Variants in LPCAT1 observed in about 807,000 individuals in gnomAD.
The protein encoded by LPCAT1 is lysophosphatidylcholine acyltransferase 1.
A neutral mutation model predicts 60.9 loss-of-function variants in LPCAT1; 23 were observed. The ratio of observed to expected loss-of-function variants is 0.38; its 90% CI spans 0.27 to 0.53. The LOEUF (loss-of-function observed/expected upper bound fraction) is 0.53, where lower values mean the gene tolerates loss of function less well. Among genes scored for constraint, LPCAT1 ranks in the 20% least tolerant of loss-of-function variants. LPCAT1 has a pLI of 0.82. For missense variants in LPCAT1, 622 were observed against 723.6 expected, an observed-to-expected ratio of 0.86 and a Z score of 1.61; for synonymous variants, 340 against 301.1, an observed-to-expected ratio of 1.13 and a Z score of -1.34.
chr5:1,520,860 C>CAAAAAAAAAAAAAAAAAAAAGAAA (rs59074953), intron 1 of LPCAT1, among the ~76,000 whole-genome samples: 1 of 82,046 alleles, frequency 1.2e-5, no homozygotes, highest in African/African-American at 4.9e-5. Flanking sequence ...GAGACTGTCT[C>CAAAAAAAAAAAAAAAAAAAAGAAA]AAAAAAAAAA....
intron 7 of LPCAT1, among the ~76,000 whole-genome samples, chr5:1,479,924 C>T (rs562337989): frequency 6.6e-6 from 1 of 151,844 alleles, no homozygotes; most frequent in East Asian, 2.0e-4. Context: ...AAGACACCAT[C>T]TCCTGCTTGT....
intron 12 of LPCAT1, among the ~76,000 whole-genome samples, chr5:1,467,628 A>G (rs1290126720): frequency 6.6e-6 from 1 of 152,052 alleles, no homozygotes; most frequent in Non-Finnish European, 1.5e-5. Context: ...CCCCTTGATC[A>G]GGGCCCGCCC....
At chr5:1,500,169 A>G (rs554786907) in intron 2 of LPCAT1, among the ~76,000 whole-genome samples, 3 of 152,380 alleles carry the variant, frequency 2.0e-5, no homozygotes, top group African/African-American at 7.2e-5. Flanking sequence ...GTTTCTGAAT[A>G]AAAGATTCAG....
intron 9 of LPCAT1, 86 bp from the exon 10 acceptor site, chr5:1,474,771 G>A (rs1400674512): frequency 1.2e-5 from 18 of 1,509,724 alleles, no homozygotes; most frequent in Non-Finnish European, 1.6e-5. Context: ...GATGGCTCAG[G>A]GGAGAGGAGG....
intron 13 of LPCAT1, among the ~76,000 whole-genome samples, chr5:1,466,320 G>A (rs138874240): frequency 4.7e-4 from 71 of 152,154 alleles, no homozygotes; most frequent in African/African-American, 1.7e-3. Flanking sequence ...GCGGCACGGG[G>A]GTCTGCAGCG....
At chr5:1,474,436 A>G (rs1734814557) in intron 10 of LPCAT1, 124 bp downstream of exon 10, 2 of 1,288,766 alleles carry the variant, frequency 1.6e-6, no homozygotes, top group Middle Eastern at 3.9e-4. Flanking sequence ...TGATATTTGA[A>G]AAAAGCCAGA....
chr5:1,492,819 GC>G lies in LPCAT1; in HGVS notation c.493+1880del, dbSNP rs141003386. Among the ~76,000 whole-genome samples the G allele has an allele frequency of 5.2e-3, 790 of 152,328 alleles. 7 individuals are homozygous for G. The highest frequency in any genetic ancestry group is 0.018 in the African/African-American group (764 of 41,582). ...GGGAGGCACCAAGGGCACAGGGAGA[GC>G]CCGGCCAACGCTCAGATTCACTCTG... is the stretch of plus-strand genomic sequence containing the variant. On this transcript the variant is annotated intron_variant, in intron 3 of 13. Coordinates refer to ENST00000283415, the MANE Select transcript of LPCAT1 (RefSeq NM_024830.5).
rs377338456 is a variant in LPCAT1 at position 1,481,686 on chromosome 5, G to A, written c.727-710C>T. 2.6e-5 allele frequency among the ~76,000 whole-genome samples: 4 copies of A among 152,276 alleles called. No homozygotes were observed. Among genetic ancestry groups the A allele is most frequent in the Admixed American group, 6.5e-5 (1 of 15,290 alleles). On this transcript the variant is annotated intron_variant, in intron 6 of 13. Coordinates refer to ENST00000283415, the MANE Select transcript of LPCAT1 (RefSeq NM_024830.5). The surrounding 1 kb of genome is among the most constrained non-coding windows in gnomAD (Gnocchi z 7.8). ...GAAAATCTAGATGACTGCACAGATC[G>A]GAGTCTGTTGTCCTCGGGTTGACTT...
intron 1 of LPCAT1, among the ~76,000 whole-genome samples, chr5:1,507,016 G>A (rs1474380006): frequency 3.3e-5 from 5 of 152,240 alleles, no homozygotes; most frequent in African/African-American, 9.6e-5. Context: ...GTCGTGGACA[G>A]GGATAAGCGG....
Position 1,498,710 on chromosome 5 carries a change from C to T in LPCAT1, c.278+2751G>A, listed in dbSNP as rs1292596191. ...TCATACACGTACATGTATGTGCACA[C>T]GATACAGACATCCATCCACACATAT... On this transcript the variant is annotated intron_variant, in intron 2 of 13. Transcript: ENST00000283415. Among the ~76,000 whole-genome samples, 26 of 152,214 alleles carry T rather than the reference C, an allele frequency of 1.7e-4. 1 individual carries two copies. Among genetic ancestry groups the T allele is most frequent in the Admixed American group, 1.3e-3 (20 of 15,282 alleles).
At chr5:1,472,788 G>A (rs986771327) in intron 11 of LPCAT1, among the ~76,000 whole-genome samples, 3 of 152,034 alleles carry the variant, frequency 2.0e-5, no homozygotes, top group East Asian at 1.9e-4. Context: ...TAGAGGGCCC[G>A]CGGCTGGGGG....
intron 1 of LPCAT1, among the ~76,000 whole-genome samples, chr5:1,512,377 A>G (rs1438068355): frequency 6.6e-6 from 1 of 152,174 alleles, no homozygotes; most frequent in Non-Finnish European, 1.5e-5. Context: ...CCGGCCCAAG[A>G]GCAGTCCCAC....
In LPCAT1 at chr5:1,494,838, C is replaced by A; in HGVS notation, c.355G>T (p.Gly119Trp). ...GCCTCGGTGGGCAGCGCCTGCCGCC[C>A]CTTCACGGCCACCCGGTGGAAGCCG... ...AGGFHRVAVK[G>W]RQALPTEAAI... Residue 119 changes from glycine to tryptophan, a missense_variant, in exon 3 of 14, where the codon GGG (glycine) becomes TGG (tryptophan). Around this residue, in one of 3 missense-constraint regions of LPCAT1, gnomAD observed 209 missense variants for 325.5 expected, o/e 0.64. Transcript: ENST00000283415. The A allele has an allele frequency of 6.2e-7, 1 of 1,613,616 alleles. No homozygotes were observed. The highest frequency in any genetic ancestry group is 8.5e-7 in the Non-Finnish European group (1 of 1,179,812).
intron 1 of LPCAT1, among the ~76,000 whole-genome samples, chr5:1,504,982 G>A (rs1054993370): frequency 6.6e-6 from 1 of 151,136 alleles, no homozygotes; most frequent in African/African-American, 2.4e-5. Flanking sequence ...AGTAACCCAC[G>A]CTGTTCCTGA....
rs141767236 is a variant in LPCAT1, at chr5:1,474,621, G to C, written c.964C>G (p.Gln322Glu). ...EDCQLALAEG[Q>E]LRLPADTCLL... ...CAAGTGTCAGCGGGGAGACGGAGCT[G>C]TCCTTCCGCCAGGGCCAGCTGGCAG... The change falls in exon 10 of 14, where the codon CAG (glutamine) becomes GAG (glutamate). Residue 322 changes from glutamine (Q) to glutamate (E), a missense_variant. By Grantham distance (29) the Gln-to-Glu change is conservative (BLOSUM62 2). Coordinates refer to ENST00000283415, the MANE Select transcript of LPCAT1 (RefSeq NM_024830.5). 3 of 1,613,914 alleles carry C rather than the reference G, an allele frequency of 1.9e-6. No homozygotes were observed. In the African/African-American group the frequency reaches 4.0e-5, roughly 22 times the overall value.
At chr5:1,491,507 A>T (rs1264096552) in intron 3 of LPCAT1, among the ~76,000 whole-genome samples, 3 of 147,704 alleles carry the variant, frequency 2.0e-5, no homozygotes, top group African/African-American at 5.0e-5. Flanking sequence ...TGGGGGGTGC[A>T]GGGGGAGGAC....
chr5:1,514,260 C>G (rs1736438530), intron 1 of LPCAT1, among the ~76,000 whole-genome samples: 1 of 152,202 alleles, frequency 6.6e-6, no homozygotes, highest in South Asian at 2.1e-4. Context: ...CAGGGAGGCC[C>G]CAGCCTCATC....
At chr5:1,505,004 C>T (rs1426668315) in intron 1 of LPCAT1, among the ~76,000 whole-genome samples, 1 of 151,196 alleles carries the variant, frequency 6.6e-6, no homozygotes, top group Non-Finnish European at 1.5e-5. Context: ...ACAGCACCGA[C>T]TGCAACACTG....
rs1735153782 is a variant in LPCAT1 at position 1,481,815 on chromosome 5, A to G, written c.727-839T>C. ...ACAAACGCACGCCTCAGTAAGAAGG[A>G]AGAGGTCTTTCAGTCGTGTGACTAC... is the stretch of plus-strand genomic sequence containing the variant. On this transcript the variant is annotated intron_variant, in intron 6 of 13. Transcript: ENST00000283415. This position sits in a 1 kb window ranked among gnomAD's most constrained non-coding sequence, Gnocchi z 7.8. Among the ~76,000 whole-genome samples, 1 of 152,210 alleles carries G rather than the reference A, an allele frequency of 6.6e-6. No homozygotes were observed. Among genetic ancestry groups the G allele is most frequent in the Non-Finnish European group, 1.5e-5 (1 of 68,036 alleles).
Sources: gnomAD v4.1 joint callset for allele counts (sites outside exome capture counted in the v4.1 genomes callset) on GRCh38, gnomAD v4.1.1 for gene constraint, gnomAD v4.1.1 regional missense constraint, Gnocchi (gnomAD v3.1) non-coding constraint, MANE v1.5 for transcripts, NCBI Gene and HGNC (gene_info 2026-07-23, HGNC 2026-07-21) for gene names.